Variants in SUPT3H observed in about 807,000 individuals in gnomAD.
SUPT3H encodes the protein transcription initiation protein SPT3 homolog.
In SUPT3H, 44 loss-of-function variants were observed where a neutral mutation model predicts 44.3. That is an observed-to-expected ratio of 0.99 (90% CI 0.78 to 1.28). The LOEUF is 1.28. Among genes scored for constraint, SUPT3H ranks in the 50% most tolerant of loss-of-function variants. The pLI, the probability that SUPT3H is intolerant of heterozygous loss-of-function variation, is 0.00. For synonymous variants in SUPT3H, 124 were observed against 125.6 expected (o/e 0.99, Z 0.09); for missense variants, 380 against 387.1 (o/e 0.98, Z 0.15).
At chr6:44,876,775 C>A in intron 10 of SUPT3H, among the ~76,000 whole-genome samples, 1 of 93,774 alleles carries the variant, frequency 1.1e-5, no homozygotes, top group Non-Finnish European at 2.3e-5. Flanking sequence ...AACACAAAAG[C>A]AAAACTGTGC....
At chr6:44,993,117 TG>T (rs1780814717) in intron 6 of SUPT3H, among the ~76,000 whole-genome samples, 1 of 152,082 alleles carries the variant, frequency 6.6e-6, no homozygotes, top group African/African-American at 2.4e-5. Context: ...GAGCTGTGAT[TG>T]GGCCATGGCA....
chr6:45,296,003 A>G (rs1255407552), intron 2 of SUPT3H, among the ~76,000 whole-genome samples: 2 of 152,076 alleles, frequency 1.3e-5, no homozygotes, highest in African/African-American at 4.8e-5. Context: ...AAAAAAAGTC[A>G]TAGGAAAAGA....
chr6:44,927,698 C>T (rs370739618), intron 10 of SUPT3H, among the ~76,000 whole-genome samples: 4 of 151,914 alleles, frequency 2.6e-5, no homozygotes, highest in African/African-American at 4.8e-5. Context: ...ATTCTTTAGC[C>T]GTTATTAATC....
chr6:44,869,138 C>A (rs1408981794), intron 10 of SUPT3H, among the ~76,000 whole-genome samples: 1 of 152,128 alleles, frequency 6.6e-6, no homozygotes. Flanking sequence ...CTAGCAGTGC[C>A]AGCTCTTGTC....
intron 2 of SUPT3H, among the ~76,000 whole-genome samples, chr6:45,121,525 G>GC (rs1801663515): frequency 6.6e-6 from 1 of 151,894 alleles, no homozygotes; most frequent in Non-Finnish European, 1.5e-5. Flanking sequence ...ATGTGGGGGG[G>GC]GGGGTGGATT....
chr6:45,258,917 A>G (rs754687703), intron 2 of SUPT3H, among the ~76,000 whole-genome samples: 33 of 152,136 alleles, frequency 2.2e-4, no homozygotes, highest in Non-Finnish European at 5.9e-5. Flanking sequence ...TTCATTTTAA[A>G]GTTTTTTGAG....
At position 45,062,984 on chromosome 6, in the gene SUPT3H, C is replaced by T. The variant is rs571943104; in HGVS notation, c.187-42352G>A. Reference sequence around the variant, plus strand: ...ACAGCTCAAGGAGACCTGCCTGCCTCTGTAGGCTCCACCTCTGGGGGCAGG... The same window carrying T: ...ACAGCTCAAGGAGACCTGCCTGCCTTTGTAGGCTCCACCTCTGGGGGCAGG... On this transcript the variant is annotated intron_variant, in intron 3 of 10. Transcript: ENST00000371459. 1.3e-3 allele frequency among the ~76,000 whole-genome samples: 201 copies of T among 151,574 alleles called. 1 individual carries two copies. The highest frequency in any genetic ancestry group is 2.9e-3 in the South Asian group (14 of 4,814).
At chr6:45,358,417 T>G (rs1793631666) in intron 2 of SUPT3H, among the ~76,000 whole-genome samples, 1 of 152,200 alleles carries the variant, frequency 6.6e-6, no homozygotes, top group Non-Finnish European at 1.5e-5. Flanking sequence ...TGTGGAAAGT[T>G]CTACAGCATG....
chr6:45,034,523 C>T (rs1009494410), intron 3 of SUPT3H, among the ~76,000 whole-genome samples: 1 of 152,138 alleles, frequency 6.6e-6, no homozygotes, highest in Admixed American at 6.5e-5. Context: ...GTTTTTAGTC[C>T]TCTTTAAAAG....
chr6:44,860,577 T>C (rs1774489112), intron 10 of SUPT3H, among the ~76,000 whole-genome samples: 2 of 152,294 alleles, frequency 1.3e-5, no homozygotes, highest in South Asian at 4.2e-4. Flanking sequence ...GCTTTTGCCA[T>C]TATAACAGGA....
intron 3 of SUPT3H, among the ~76,000 whole-genome samples, chr6:45,021,313 G>C (rs763068148): frequency 1.3e-5 from 2 of 151,760 alleles, no homozygotes; most frequent in African/African-American, 2.4e-5. Flanking sequence ...ACAAAGTCAA[G>C]ATTTTTCAGG....
At chr6:45,147,446 G>A (rs1806262650) in intron 2 of SUPT3H, among the ~76,000 whole-genome samples, 1 of 151,962 alleles carries the variant, frequency 6.6e-6, no homozygotes, top group South Asian at 2.1e-4. Flanking sequence ...CTAGACCCAA[G>A]AGACAATAAT....
At chr6:44,856,213 G>A (rs961729792) in intron 10 of SUPT3H, among the ~76,000 whole-genome samples, 22 of 152,240 alleles carry the variant, frequency 1.4e-4, no homozygotes, top group African/African-American at 5.3e-4. Flanking sequence ...AGTGAAAAGG[G>A]ATGGTGTTTA....
intron 3 of SUPT3H, among the ~76,000 whole-genome samples, chr6:45,054,020 G>A (rs1790741332): frequency 6.6e-6 from 1 of 151,498 alleles, no homozygotes; most frequent in Non-Finnish European, 1.5e-5. Context: ...GGGAATGAAG[G>A]CACTGAAATG....
intron 2 of SUPT3H, among the ~76,000 whole-genome samples, chr6:45,257,131 C>A (rs1011589241): frequency 2.5e-4 from 38 of 152,170 alleles, no homozygotes; most frequent in African/African-American, 9.2e-4. Flanking sequence ...CCTATCCTAG[C>A]GAGTGTGAAG....
At chr6:44,948,940 A>G (rs146269625) in intron 9 of SUPT3H, among the ~76,000 whole-genome samples, 10 of 152,348 alleles carry the variant, frequency 6.6e-5, no homozygotes, top group Non-Finnish European at 1.2e-4. Context: ...ACACATGCAC[A>G]CATATGTTTA....
At chr6:45,040,554 G>A (rs1211357434) in intron 3 of SUPT3H, among the ~76,000 whole-genome samples, 1 of 152,122 alleles carries the variant, frequency 6.6e-6, no homozygotes. Flanking sequence ...TTCTCCTAAT[G>A]CTTTCACCAT....
At chr6:45,068,321 G>A (rs1291165747) in intron 3 of SUPT3H, among the ~76,000 whole-genome samples, 1 of 113,324 alleles carries the variant, frequency 8.8e-6, no homozygotes, top group African/African-American at 3.4e-5. Context: ...GGTGGGGTGG[G>A]GGGAGGGGGG....
chr6:45,002,361 A>G (rs1388648687), intron 6 of SUPT3H, among the ~76,000 whole-genome samples: 1 of 152,000 alleles, frequency 6.6e-6, no homozygotes, highest in African/African-American at 2.4e-5. Flanking sequence ...AGGTTTGGCT[A>G]GCCAAGATCT....
Sources: allele counts gnomAD v4.1 joint callset (sites outside exome capture counted in the v4.1 genomes callset), GRCh38; gene constraint gnomAD v4.1.1; transcripts MANE v1.5; gene names NCBI Gene and HGNC (gene_info 2026-07-23, HGNC 2026-07-21).